The following STARD13 variants were observed in gnomAD, a reference collection of about 807,000 sequenced individuals.
STARD13 encodes the protein stAR-related lipid transfer protein 13.
A neutral mutation model predicts 106.4 loss-of-function variants in STARD13; 62 were observed. The ratio of observed to expected loss-of-function variants is 0.58; its 90% CI spans 0.48 to 0.72. The LOEUF is 0.72. Among genes scored for constraint, STARD13 ranks in the 30% least tolerant of loss-of-function variants. The pLI is 0.00. For synonymous variants in STARD13, 565 were observed against 553.0 expected, an observed-to-expected ratio of 1.02 and a Z score of -0.31; for missense variants, 1,387 against 1,424.0, an observed-to-expected ratio of 0.97 and a Z score of 0.42.
chr13:33,237,783 C>T (rs1362790949), intron 1 of STARD13, among the ~76,000 whole-genome samples: 1 of 152,166 alleles, frequency 6.6e-6, no homozygotes, highest in Non-Finnish European at 1.5e-5. Context: ...ATGATTTTTG[C>T]CTTTAAACTA....
chr13:33,293,249 G>T (rs1892360562), intron 1 of STARD13, among the ~76,000 whole-genome samples: 3 of 152,098 alleles, frequency 2.0e-5, no homozygotes, highest in Admixed American at 6.6e-5. Context: ...TGCTTTGGGT[G>T]GTCTGTGTCT....
the STARD13 span, among the ~76,000 whole-genome samples, chr13:33,643,087 C>T: frequency 2.2e-4 from 33 of 150,522 alleles, no homozygotes; most frequent in East Asian, 5.3e-3. Flanking sequence ...ATGTATAATA[C>T]GAAATGCATT....
chr13:33,304,729 G>T (rs149037693), intron 1 of STARD13, among the ~76,000 whole-genome samples: 1 of 151,818 alleles, frequency 6.6e-6, no homozygotes, highest in East Asian at 1.9e-4. Context: ...ACATTGCCTT[G>T]CCCACAAGTG....
the STARD13 span, among the ~76,000 whole-genome samples, chr13:33,364,456 T>A: frequency 6.6e-6 from 1 of 152,230 alleles, no homozygotes; most frequent in Non-Finnish European, 1.5e-5. Flanking sequence ...TTTAAGAGTT[T>A]ATCATGAATT....
At chr13:33,522,967 G>A in the STARD13 span, among the ~76,000 whole-genome samples, 3 of 152,124 alleles carry the variant, frequency 2.0e-5, no homozygotes, top group Non-Finnish European at 4.4e-5. Context: ...ATTGTGCGTG[G>A]AACATATTCC....
chr13:33,438,144 T>C, the STARD13 span, among the ~76,000 whole-genome samples: 1 of 152,338 alleles, frequency 6.6e-6, no homozygotes, highest in Admixed American at 6.5e-5. Flanking sequence ...AAAAATATTC[T>C]TTTGCTATAA....
At chr13:33,499,759 TTC>T in the STARD13 span, among the ~76,000 whole-genome samples, 6 of 132,220 alleles carry the variant, frequency 4.5e-5, no homozygotes, top group Non-Finnish European at 9.4e-5. Flanking sequence ...TTCTTCTTCT[TTC>T]TTTTTTTTTT....
chr13:33,342,612 C>T (rs1054031283), intron 1 of STARD13, among the ~76,000 whole-genome samples: 1 of 151,450 alleles, frequency 6.6e-6, no homozygotes, highest in African/African-American at 2.4e-5. Context: ...CTTACTGAAT[C>T]TTTGAATTCC....
At position 33,235,770 on chromosome 13, in the gene STARD13, G is replaced by A. The variant is rs150056964; in HGVS notation, c.169+49700C>T. On this transcript the variant is annotated intron_variant, in intron 1 of 13. Coordinates refer to ENST00000336934, the MANE Select transcript of STARD13 (RefSeq NM_178006.4). ...GGGTCCCCTCCAGACTTCCTAAATC[G>A]GAAACTCTGTGGGTGGGGCACAGTG... is the stretch of plus-strand genomic sequence containing the variant. Among the ~76,000 whole-genome samples the A allele has an allele frequency of 1.7e-4, 26 of 152,324 alleles. No homozygotes were observed. In the East Asian group the frequency reaches 2.7e-3, roughly 16 times the overall value.
chr13:33,163,623 T>A (rs180831543), intron 3 of STARD13, among the ~76,000 whole-genome samples: 1,810 of 118,550 alleles, frequency 0.015, 25 homozygotes, highest in Middle Eastern at 0.022. Context: ...TATATATATA[T>A]AAAACATATA....
chr13:33,296,552 C>T (rs531998542), intron 1 of STARD13, among the ~76,000 whole-genome samples: 8 of 152,144 alleles, frequency 5.3e-5, no homozygotes, highest in Admixed American at 2.0e-4. Flanking sequence ...TTAGCATCTC[C>T]CCCATTCCGC....
At chr13:33,659,252 G>A in the STARD13 span, among the ~76,000 whole-genome samples, 6 of 133,876 alleles carry the variant, frequency 4.5e-5, no homozygotes, top group South Asian at 1.2e-3. Context: ...GTCTTGCTCT[G>A]TTGCCCAGGC....
At chr13:33,617,269 T>TGGTTATTGA in the STARD13 span, among the ~76,000 whole-genome samples, 1 of 152,196 alleles carries the variant, frequency 6.6e-6, no homozygotes, top group Admixed American at 6.5e-5. Context: ...CCTGGTACCA[T>TGGTTATTGA]GTACAGTGTA....
chr13:33,397,710 T>G, the STARD13 span, among the ~76,000 whole-genome samples: 3 of 152,334 alleles, frequency 2.0e-5, no homozygotes, highest in East Asian at 5.8e-4. Context: ...GTACCTGTAT[T>G]AGTCTGCCAG....
the STARD13 span, among the ~76,000 whole-genome samples, chr13:33,663,707 C>T: frequency 6.6e-6 from 1 of 152,100 alleles, no homozygotes; most frequent in Admixed American, 6.6e-5. Flanking sequence ...AAGTGTTCTA[C>T]GACAGTCAGA....
At chr13:33,350,948 CA>C, upstream of STARD13, among the ~76,000 whole-genome samples, 1 of 11,612 alleles carries the variant, frequency 8.6e-5, no homozygotes, top group South Asian at 0.062. Flanking sequence ...TTCACAACTA[CA>C]ACAACAACAA....
intron 3 of STARD13, among the ~76,000 whole-genome samples, chr13:33,150,189 T>C (rs1881088901): frequency 1.3e-5 from 2 of 152,224 alleles, no homozygotes; most frequent in African/African-American, 4.8e-5. Flanking sequence ...ATAGGTCCAA[T>C]CAGTGATTGA....
the STARD13 span, among the ~76,000 whole-genome samples, chr13:33,454,232 GAC>G: frequency 2.0e-5 from 3 of 152,296 alleles, no homozygotes; most frequent in South Asian, 6.2e-4. Context: ...TGAGAGGTGG[GAC>G]ACTTCCTATA....
chr13:33,338,319 A>G (rs1245510159), intron 1 of STARD13, among the ~76,000 whole-genome samples: 1 of 152,184 alleles, frequency 6.6e-6, no homozygotes, highest in Non-Finnish European at 1.5e-5. Flanking sequence ...TTTAAAGTTA[A>G]ATGGGACCTT....
Sources: gnomAD v4.1 joint callset for allele counts (sites outside exome capture counted in the v4.1 genomes callset) on GRCh38, gnomAD v4.1.1 for gene constraint, MANE v1.5 for transcripts, NCBI Gene and HGNC (gene_info 2026-07-23, HGNC 2026-07-21) for gene names.